The following C7 variants were observed in gnomAD, a reference collection of about 807,000 sequenced individuals.
C7 encodes complement component C7.
Under a neutral mutation model 104.8 loss-of-function variants are expected in C7, and 83 were observed. The ratio of observed to expected loss-of-function variants is 0.79; its 90% CI spans 0.66 to 0.95. The LOEUF (loss-of-function observed/expected upper bound fraction) is 0.95. Among genes scored for constraint, C7 ranks in the 40% least tolerant of loss-of-function variants. C7 has a pLI of 0.00. For synonymous variants in C7, 415 were observed against 360.6 expected (o/e 1.15, Z -1.71); for missense variants, 1,070 against 1,011.2 (o/e 1.06, Z -0.79).
intron 11 of C7, 127 bp downstream of exon 11, chr5:40,958,388 T>C (rs1378469581): frequency 3.6e-6 from 2 of 558,052 alleles, no homozygotes; most frequent in Non-Finnish European, 3.0e-6. Flanking sequence ...AGAATCCTCC[T>C]TCCCTTTCCT....
At chr5:40,937,400 C>T in intron 5 of C7, 152 bp from the exon 6 acceptor site, 1 of 631,508 alleles carries the variant, frequency 1.6e-6, no homozygotes, top group South Asian at 2.7e-5. Flanking sequence ...GGATGCTGTG[C>T]TCTTCATTTG....
chr5:40,973,382 G>C (rs1051423139), intron 15 of C7, among the ~76,000 whole-genome samples: 8 of 152,178 alleles, frequency 5.3e-5, no homozygotes, highest in African/African-American at 1.9e-4. Flanking sequence ...TATCTCTCTA[G>C]TATGTGATTT....
intron 1 of C7, among the ~76,000 whole-genome samples, chr5:40,911,395 C>A (rs1254929171): frequency 6.6e-6 from 1 of 152,316 alleles, no homozygotes; most frequent in Non-Finnish European, 1.5e-5. Context: ...TCTCTGTGTT[C>A]TTGGATAGGA....
intron 2 of C7, among the ~76,000 whole-genome samples, chr5:40,929,730 T>G (rs2122569): frequency 0.48 from 73,693 of 152,072 alleles, 19,100 homozygotes; most frequent in African/African-American, 0.69. Flanking sequence ...TGTGAGCATT[T>G]TATGAGAGTC....
chr5:40,934,877 C>G (rs1017038339), intron 4 of C7, among the ~76,000 whole-genome samples: 3 of 152,170 alleles, frequency 2.0e-5, no homozygotes, highest in African/African-American at 7.2e-5. Context: ...ACAGTTCTCT[C>G]CTATGCATGG....
At chr5:40,930,181 T>TATC (rs986955681) in intron 2 of C7, among the ~76,000 whole-genome samples, 5 of 151,834 alleles carry the variant, frequency 3.3e-5, no homozygotes, top group Non-Finnish European at 7.4e-5. Flanking sequence ...TCCTTCCTTC[T>TATC]ATCAATAGTC....
chr5:40,981,260 G>T (rs1374120300), intron 17 of C7, 132 bp from the exon 18 acceptor site: 7 of 860,722 alleles, frequency 8.1e-6, no homozygotes, highest in Non-Finnish European at 1.3e-5. Flanking sequence ...TTTTCCAGGG[G>T]ATAATTTATT....
chr5:40,933,510 G>T lies in C7; in HGVS notation c.139-815G>T, dbSNP rs574766711. On this transcript the variant is annotated intron_variant, in intron 3 of 17. Coordinates refer to ENST00000313164, the MANE Select transcript of C7 (RefSeq NM_000587.4). Reference sequence around the variant, plus strand: ...AAATAAACTTTAGTATGAATTAGTTGTAAGTTTCTCATTTAGTTTGATAAT... The same window carrying T: ...AAATAAACTTTAGTATGAATTAGTTTTAAGTTTCTCATTTAGTTTGATAAT... 2.0e-5 allele frequency among the ~76,000 whole-genome samples: 3 copies of T among 152,284 alleles called. No homozygotes were observed. In the South Asian group the frequency reaches 6.2e-4, roughly 32 times the overall value.
chr5:40,931,089 T>C lies in C7; in HGVS notation c.88T>C (p.Trp30Arg). 2 of 1,613,610 alleles carry C rather than the reference T, an allele frequency of 1.2e-6. No homozygotes were observed. Among genetic ancestry groups the C allele is most frequent in the Non-Finnish European group, 1.7e-6 (2 of 1,179,566 alleles). The change falls in exon 3 of 18, where the codon TGG becomes CGG. Residue 30 changes from tryptophan to arginine, a missense_variant. Trp to Arg is a moderately radical substitution (Grantham distance 101). Coordinates refer to ENST00000313164, the MANE Select transcript of C7 (RefSeq NM_000587.4). ...SSASSPVNCQ[W>R]DFYAPWSECN... ...TGCCTCCTCTCCAGTCAACTGCCAG[T>C]GGGACTTCTATGCCCCTTGGTCAGA... is the stretch of plus-strand genomic sequence containing the variant.
intron 15 of C7, among the ~76,000 whole-genome samples, chr5:40,973,991 C>G (rs187682859): frequency 6.6e-6 from 1 of 152,148 alleles, no homozygotes; most frequent in Admixed American, 6.5e-5. Context: ...CCAAGACTTA[C>G]CAGCTTCCAA....
At chr5:40,956,187 T>C (rs982470094) in intron 10 of C7, among the ~76,000 whole-genome samples, 5 of 152,184 alleles carry the variant, frequency 3.3e-5, no homozygotes, top group African/African-American at 4.8e-5. Context: ...ACTTGCATGG[T>C]TTTATACATG....
At chr5:40,980,896 A>T (rs961591938) in intron 17 of C7, among the ~76,000 whole-genome samples, 2 of 152,206 alleles carry the variant, frequency 1.3e-5, no homozygotes, top group Non-Finnish European at 2.9e-5. Flanking sequence ...TGGCTGGTGT[A>T]TTCCAACCAT....
At chr5:40,959,668 C>G (rs766784107) in intron 12 of C7, 48 bp downstream of exon 12, 1 of 1,378,482 alleles carries the variant, frequency 7.3e-7, no homozygotes, top group Non-Finnish European at 9.8e-7. Flanking sequence ...ACAGTACCCT[C>G]TGCAGTTAGC....
At chr5:40,928,541 T>C in intron 1 of C7, 39 bp from the exon 2 acceptor site, 1 of 1,167,750 alleles carries the variant, frequency 8.6e-7, no homozygotes. Flanking sequence ...TAAAAAGAAA[T>C]GCAAGCTAAA....
At chr5:40,966,454 C>A (rs1202526175) in intron 14 of C7, among the ~76,000 whole-genome samples, 1 of 151,978 alleles carries the variant, frequency 6.6e-6, no homozygotes. Flanking sequence ...TCACTGCAAC[C>A]TCTGCCTCCT....
chr5:40,978,873 ATTTTTTTTT>A lies in C7; in HGVS notation c.2166-836_2166-828del, dbSNP rs372551834. On this transcript the variant is annotated intron_variant, in intron 16 of 17. Transcript: ENST00000313164. Reference sequence around the variant, plus strand: ...GAGGAAGGTAACACATTTTATGGAAATTTTTTTTTTTTTTTTTTTTTTTTGGGACACAGT... The same window carrying A: ...GAGGAAGGTAACACATTTTATGGAAATTTTTTTTTTTTTTTGGGACACAGT... Among the ~76,000 whole-genome samples the A allele has an allele frequency of 3.5e-3, 284 of 80,098 alleles. 10 individuals are homozygous for A. Among genetic ancestry groups the A allele is most frequent in the Middle Eastern group, 0.016 (2 of 124 alleles). The allele number at this position is 80,098 out of a possible 152,430, so 52.5% of individuals were successfully genotyped here.
chr5:40,958,093 C>T lies in C7; in HGVS notation c.1321C>T (p.Leu441=), dbSNP rs780039026. 2 of 1,613,728 alleles carry T rather than the reference C, an allele frequency of 1.2e-6. No individual in the cohort carries two copies. The highest frequency in any genetic ancestry group is 1.7e-6 in the Non-Finnish European group (2 of 1,179,756). The change falls in exon 11 of 18, where the codon CTG becomes TTG. Residue 441 remains leucine (L), a synonymous_variant. Coordinates refer to ENST00000313164, the MANE Select transcript of C7 (RefSeq NM_000587.4). Reference sequence around the variant, plus strand: ...TTGTGCCTCTGTGAAAAAACTATACCTGAAATGGGCTCTTGAAGAGTATCT... The same window carrying T: ...TTGTGCCTCTGTGAAAAAACTATACTTGAAATGGGCTCTTGAAGAGTATCT... The part of the protein sequence containing the change: ...VPCASVKKLY[L]KWALEEYLDE...
intron 1 of C7, among the ~76,000 whole-genome samples, chr5:40,924,081 G>A (rs1739500735): frequency 6.6e-6 from 1 of 152,132 alleles, no homozygotes; most frequent in African/African-American, 2.4e-5. Context: ...TCAAGGACAA[G>A]GTCCAATCTG....
At chr5:40,936,548 T>A in intron 5 of C7, 63 bp downstream of exon 5, 1 of 1,504,238 alleles carries the variant, frequency 6.6e-7, no homozygotes, top group Admixed American at 2.1e-5. Context: ...TTGTTTTATT[T>A]TATAGTTTGG....
Sources: allele counts gnomAD v4.1 joint callset (sites outside exome capture counted in the v4.1 genomes callset), GRCh38; gene constraint gnomAD v4.1.1; transcripts MANE v1.5; gene names NCBI Gene and HGNC (gene_info 2026-07-23, HGNC 2026-07-21).